CCDC60: variants seen among roughly 807,000 people sequenced by gnomAD.
CCDC60 encodes coiled-coil domain-containing protein 60.
Under a neutral mutation model 63.5 loss-of-function variants are expected in CCDC60, and 54 were observed. The ratio of observed to expected loss-of-function variants is 0.85; its 90% CI spans 0.68 to 1.07. The LOEUF (loss-of-function observed/expected upper bound fraction) is 1.07, where lower values mean the gene tolerates loss of function less well. Ranked by LOEUF, CCDC60 falls within the 50% of genes least tolerant of loss-of-function variation. The probability of loss-of-function intolerance (pLI) is 0.00; values close to 1 mark genes in which losing one functional copy is unlikely to be tolerated. For synonymous variants in CCDC60, 206 were observed against 238.8 expected, an observed-to-expected ratio of 0.86 and a Z score of 1.27; for missense variants, 651 against 684.3, an observed-to-expected ratio of 0.95 and a Z score of 0.54.
chr12:119,417,303 A>C (rs1450450476), intron 1 of CCDC60, among the ~76,000 whole-genome samples: 1 of 152,154 alleles, frequency 6.6e-6, no homozygotes, highest in African/African-American at 2.4e-5. Context: ...CCCCACAACA[A>C]ATAGCGATTT....
At chr12:119,497,145 A>G (rs1392526791) in intron 5 of CCDC60, among the ~76,000 whole-genome samples, 3 of 152,158 alleles carry the variant, frequency 2.0e-5, no homozygotes, top group Non-Finnish European at 4.4e-5. Context: ...ACTTTCACTC[A>G]TGTATTTTTG....
chr12:119,463,783 C>T (rs577860839), intron 2 of CCDC60, among the ~76,000 whole-genome samples: 58 of 152,326 alleles, frequency 3.8e-4, no homozygotes, highest in African/African-American at 1.3e-3. Context: ...GTTCTTATGG[C>T]CCTGCACATG....
At position 119,358,106 on chromosome 12, in the gene CCDC60, T is replaced by C. The variant is rs116317671; in HGVS notation, c.90+22840T>C. The stretch of plus-strand genomic sequence containing the variant: ...TACCAAGGGGGATGGTGCTAGACCA[T>C]TCATGGAGGATCCACCTCCACAATC... On this transcript the variant is annotated intron_variant, in intron 1 of 13. Transcript: ENST00000327554. Among the ~76,000 whole-genome samples the C allele has an allele frequency of 8.0e-3, 1,224 of 152,222 alleles. 15 individuals carry two copies. Among genetic ancestry groups the C allele is most frequent in the African/African-American group, 0.028 (1,166 of 41,528 alleles).
intron 1 of CCDC60, among the ~76,000 whole-genome samples, chr12:119,368,231 GA>G (rs1227335400): frequency 5.0e-5 from 7 of 139,368 alleles, no homozygotes; most frequent in East Asian, 6.8e-4. Flanking sequence ...AGAGGAGGAG[GA>G]GGAGGGGGAG....
Position 119,372,489 on chromosome 12 carries a change from C to A in CCDC60, c.90+37223C>A, listed in dbSNP as rs1955907645. On this transcript the variant is annotated intron_variant, in intron 1 of 13. Coordinates refer to ENST00000327554, the MANE Select transcript of CCDC60 (RefSeq NM_178499.5). ...TCCCATAGCGTGGCTTCCAGGGTCC[C>A]AGGGTAACATAAATCAAGACAGAGA... 1.3e-5 allele frequency among the ~76,000 whole-genome samples: 2 copies of A among 152,148 alleles called. 1 individual carries two copies. Among genetic ancestry groups the A allele is most frequent in the African/African-American group, 4.8e-5 (2 of 41,414 alleles).
chr12:119,530,781 CA>C, intron 12 of CCDC60, 92 bp from the exon 13 acceptor site: 1 of 1,069,456 alleles, frequency 9.4e-7, no homozygotes, highest in Non-Finnish European at 1.4e-6. Context: ...GGAGACATCA[CA>C]GAGAGCAGAA....
chr12:119,472,425 C>T (rs945065110), intron 3 of CCDC60, among the ~76,000 whole-genome samples: 3 of 152,108 alleles, frequency 2.0e-5, no homozygotes, highest in African/African-American at 7.2e-5. Flanking sequence ...TCAGTCCAAC[C>T]ACCTCCTGCA....
chr12:119,466,375 G>C (rs185310899), intron 2 of CCDC60, among the ~76,000 whole-genome samples: 2 of 152,146 alleles, frequency 1.3e-5, no homozygotes, highest in Non-Finnish European at 2.9e-5. Flanking sequence ...TGCTTTGTAC[G>C]TAATAAGCAT....
intron 5 of CCDC60, among the ~76,000 whole-genome samples, chr12:119,495,308 C>G: frequency 6.6e-6 from 1 of 152,102 alleles, no homozygotes; most frequent in African/African-American, 2.4e-5. Flanking sequence ...AAAAGAAGAT[C>G]TTATTACAAT....
chr12:119,464,308 C>A (rs889187857), intron 2 of CCDC60, among the ~76,000 whole-genome samples: 4 of 128,170 alleles, frequency 3.1e-5, no homozygotes, highest in South Asian at 2.6e-4. Flanking sequence ...CAACCCCCCC[C>A]CCACTCTTCC....
intron 2 of CCDC60, among the ~76,000 whole-genome samples, chr12:119,453,321 A>G (rs1186809825): frequency 6.6e-6 from 1 of 151,884 alleles, no homozygotes; most frequent in East Asian, 1.9e-4. Context: ...CTTTTCTTCC[A>G]TCGTCATTTT....
chr12:119,412,396 G>A (rs115286481), intron 1 of CCDC60, among the ~76,000 whole-genome samples: 1,763 of 152,296 alleles, frequency 0.012, 33 homozygotes, highest in African/African-American at 0.038. Flanking sequence ...GAGAGAAAAC[G>A]GATGGAAGCC....
At chr12:119,530,840 C>A in intron 12 of CCDC60, 34 bp from the exon 13 acceptor site, 1 of 1,583,046 alleles carries the variant, frequency 6.3e-7, no homozygotes. Flanking sequence ...CTTCCAGCAG[C>A]TTCCTAACTT....
At chr12:119,414,058 A>G (rs1796996442) in intron 1 of CCDC60, among the ~76,000 whole-genome samples, 1 of 151,470 alleles carries the variant, frequency 6.6e-6, no homozygotes, top group African/African-American at 2.4e-5. Flanking sequence ...TCACTCTGTC[A>G]CCCAGGCTGG....
chr12:119,441,001 C>G (rs952117803), intron 2 of CCDC60, among the ~76,000 whole-genome samples: 4 of 152,160 alleles, frequency 2.6e-5, no homozygotes, highest in Admixed American at 2.6e-4. Context: ...ATTCACGTTC[C>G]CTGAGTGGCT....
chr12:119,338,092 GA>G (rs1955492674), intron 1 of CCDC60, among the ~76,000 whole-genome samples: 1 of 152,072 alleles, frequency 6.6e-6, no homozygotes, highest in South Asian at 2.1e-4. Flanking sequence ...AAGCCTCATT[GA>G]AATCCTTCGC....
Position 119,520,172 on chromosome 12 carries a change from G to A in CCDC60, c.1020G>A (p.Met340Ile). ...QNKSNSAYKE[M>I]QTTLKSSERS... The stretch of plus-strand genomic sequence containing the variant: ...AGAGTAATTCTGCTTATAAGGAAAT[G>A]CAGACCACTCTCAAATCAAGGTAGG... The change falls in exon 9 of 14, where the codon ATG becomes ATA. Residue 340 changes from methionine to isoleucine, a missense_variant. Coordinates refer to ENST00000327554, the MANE Select transcript of CCDC60 (RefSeq NM_178499.5). The A allele has an allele frequency of 6.2e-7, 1 of 1,613,770 alleles. No individual in the cohort carries two copies. The highest frequency in any genetic ancestry group is 8.5e-7 in the Non-Finnish European group (1 of 1,179,862).
chr12:119,493,821 G>C (rs568656314), intron 5 of CCDC60, among the ~76,000 whole-genome samples: 1 of 151,912 alleles, frequency 6.6e-6, no homozygotes, highest in Non-Finnish European at 1.5e-5. Context: ...CTGCATTTCA[G>C]AATTCTGAGG....
At chr12:119,452,439 A>G (rs1950650950) in intron 2 of CCDC60, among the ~76,000 whole-genome samples, 1 of 152,254 alleles carries the variant, frequency 6.6e-6, no homozygotes, top group South Asian at 2.1e-4. Context: ...AGACAGGCTT[A>G]GGCCCGAGAA....
Sources: allele counts gnomAD v4.1 joint callset (sites outside exome capture counted in the v4.1 genomes callset), GRCh38; gene constraint gnomAD v4.1.1; transcripts MANE v1.5; gene names NCBI Gene and HGNC (gene_info 2026-07-23, HGNC 2026-07-21).